Variants in CLPTM1 observed in about 807,000 individuals in gnomAD.
CLPTM1 encodes putative lipid scramblase CLPTM1.
In CLPTM1, 21 loss-of-function variants were observed where a neutral mutation model predicts 77.3. The ratio of observed to expected loss-of-function variants is 0.27; its 90% CI spans 0.19 to 0.39. The LOEUF (loss-of-function observed/expected upper bound fraction) is 0.39. Among genes scored for constraint, CLPTM1 ranks in the 10% least tolerant of loss-of-function variants. The pLI is 1.00. For synonymous variants in CLPTM1, 373 were observed against 381.0 expected (o/e 0.98, Z 0.24); for missense variants, 642 against 921.2 (o/e 0.70, Z 3.92).
intron 5 of CLPTM1, among the ~76,000 whole-genome samples, chr19:44,979,794 G>T (rs938336723): frequency 6.6e-6 from 1 of 152,102 alleles, no homozygotes; most frequent in Non-Finnish European, 1.5e-5. Flanking sequence ...GCTTGAGGGG[G>T]TGTGACCTAC....
intron 2 of CLPTM1, among the ~76,000 whole-genome samples, chr19:44,964,097 G>A (rs947865375): frequency 6.6e-6 from 1 of 151,040 alleles, no homozygotes; most frequent in South Asian, 2.1e-4. Flanking sequence ...GCAGTGAGCC[G>A]AGATCACACC....
In CLPTM1 at chr19:44,991,500, AG is replaced by A. The variant is rs1971075420; in HGVS notation, c.1555+129del. The A allele has an allele frequency of 8.5e-7, 1 of 1,176,064 alleles. No homozygotes were observed. The highest frequency in any genetic ancestry group is 1.2e-6 in the Non-Finnish European group (1 of 835,864). 72.9% of individuals were successfully genotyped at this position (1,176,064 alleles called of 1,614,324 possible). On this transcript the variant is annotated intron_variant, in intron 12 of 13. Transcript: ENST00000337392. The surrounding 1 kb of genome is among the most constrained non-coding windows in gnomAD (Gnocchi z 5.4). The stretch of plus-strand genomic sequence containing the variant: ...GGGTGGGCAGAGCTGGGATATAGGG[AG>A]GCCCGAGGGCACACATGGCCCCATC...
At chr19:44,989,869 G>A in intron 9 of CLPTM1, 1 of 154,176 alleles carries the variant, frequency 6.5e-6, no homozygotes, top group Non-Finnish European at 1.4e-5. Context: ...GGAGCCCAGG[G>A]CCCTTTTCAG....
At chr19:44,988,512 C>T (rs1015058345) in intron 9 of CLPTM1, among the ~76,000 whole-genome samples, 1 of 152,190 alleles carries the variant, frequency 6.6e-6, no homozygotes, top group Non-Finnish European at 1.5e-5. Context: ...CTGCCTGCTG[C>T]GGGAGGCCGC....
At chr19:44,975,573 G>GT (rs977413166) in intron 4 of CLPTM1, among the ~76,000 whole-genome samples, 59 of 148,984 alleles carry the variant, frequency 4.0e-4, no homozygotes, top group Admixed American at 6.7e-4. Flanking sequence ...TTTGTTTTTT[G>GT]TTTTTTTTTG....
At position 44,992,897 on chromosome 19, in the gene CLPTM1, G is replaced by A. The variant is rs1418729013; in HGVS notation, c.2010G>A (p.Ter670=). 2 of 1,612,888 alleles carry A rather than the reference G, an allele frequency of 1.2e-6. No homozygotes were observed. The highest frequency in any genetic ancestry group is 2.2e-5 in the East Asian group (1 of 44,854). ...CAGCAGAGGACAAGAAAAAGGATTA[G>A]TCGAGACTGGTCCTCACCTGCTCCG... ...PKPAEDKKKD[*] is the part of the protein sequence containing the mutation. The change falls in exon 14 of 14, where the codon TAG becomes TAA. Residue 670 remains the stop codon, a stop_retained_variant. Coordinates refer to ENST00000337392, the MANE Select transcript of CLPTM1 (RefSeq NM_001294.4). The surrounding 1 kb of genome is among the most constrained non-coding windows in gnomAD (Gnocchi z 7.7).
chr19:44,970,320 G>A (rs1376657020), intron 2 of CLPTM1, among the ~76,000 whole-genome samples: 1 of 146,900 alleles, frequency 6.8e-6, no homozygotes, highest in African/African-American at 2.7e-5. Context: ...CAGGGGTGGA[G>A]GCTTGCACCT....
At chr19:44,973,040 G>A in intron 2 of CLPTM1, 47 bp from the exon 3 acceptor site, 1 of 1,602,838 alleles carries the variant, frequency 6.2e-7, no homozygotes, top group Non-Finnish European at 8.5e-7. Context: ...GTCTATGGCG[G>A]AGAGCCAAGG....
At chr19:44,986,987 G>T in intron 7 of CLPTM1, 192 bp from the exon 8 acceptor site, 1 of 691,858 alleles carries the variant, frequency 1.4e-6, no homozygotes, top group Non-Finnish European at 2.4e-6. Flanking sequence ...GTGGGGACCT[G>T]CCTGCCCTTT....
intron 5 of CLPTM1, among the ~76,000 whole-genome samples, chr19:44,982,965 G>A (rs1970921661): frequency 6.6e-6 from 1 of 152,060 alleles, no homozygotes; most frequent in African/African-American, 2.4e-5. Context: ...GGAGGCTGAG[G>A]CAGGAGAATT....
In CLPTM1 at chr19:44,962,011, C is replaced by G; in HGVS notation, c.121C>G (p.Pro41Ala). Residue 41 changes from proline to alanine, a missense_variant, in exon 2 of 14, where the codon CCT (proline) becomes GCT (alanine). By Grantham distance (27) the Pro-to-Ala change is conservative. Transcript: ENST00000337392. ...GAGGGACCCGCCAGCGGAGACCCAG[C>G]CTCAGAACCCACCGGCCCAGCCGGC... is the stretch of plus-strand genomic sequence containing the variant. ...IGRDPPAETQ[P>A]QNPPAQPAPN... is the part of the protein sequence containing the mutation. 3 of 1,611,256 alleles carry G rather than the reference C, an allele frequency of 1.9e-6. No homozygotes were observed. Among genetic ancestry groups the G allele is most frequent in the Non-Finnish European group, 2.5e-6 (3 of 1,179,166 alleles).
Position 44,992,446 on chromosome 19 carries a change from T to C in CLPTM1, c.1723+46T>C. The C allele has an allele frequency of 6.2e-7, 1 of 1,611,098 alleles. No homozygotes were observed. Among genetic ancestry groups the C allele is most frequent in the South Asian group, 1.1e-5 (1 of 90,952 alleles). On this transcript the variant is annotated intron_variant, in intron 13 of 13. Coordinates refer to ENST00000337392, the MANE Select transcript of CLPTM1 (RefSeq NM_001294.4). The surrounding 1 kb of genome is among the most constrained non-coding windows in gnomAD (Gnocchi z 7.7). ...GGGAGCTCCCACCGGAACAGGGCCC[T>C]GAGGCAGTCTTTAGGGCCCAGGCCT...
chr19:44,974,480 C>T lies in CLPTM1; in HGVS notation c.351C>T (p.Asp117=), dbSNP rs1262814665. The T allele has an allele frequency of 6.2e-7, 1 of 1,614,070 alleles. No individual in the cohort carries two copies. The highest frequency in any genetic ancestry group is 1.3e-5 in the African/African-American group (1 of 74,934). The change falls in exon 4 of 14, where the codon GAC becomes GAT. Residue 117 remains aspartate (D), a synonymous_variant. Transcript: ENST00000337392. ...TCTCAGAGCACGAGCACTTTACAGA[C>T]TTCAACGCCACGTCGGCACTCTTCT... ...VYISEHEHFT[D]FNATSALFWE...
In CLPTM1 at chr19:44,967,003, G is replaced by A. The variant is rs928264313; in HGVS notation, c.185+4928G>A. On this transcript the variant is annotated intron_variant, in intron 2 of 13. Transcript: ENST00000337392. ...ACTACAGGCGCCCGCCACAGCGCCC[G>A]GCTAATTTTTTGTATTTTTAGTAGA... is the stretch of plus-strand genomic sequence containing the variant. Among the ~76,000 whole-genome samples, 5 of 152,044 alleles carry A rather than the reference G, an allele frequency of 3.3e-5. 1 individual carries two copies. Among genetic ancestry groups the A allele is most frequent in the Non-Finnish European group, 7.4e-5 (5 of 68,004 alleles).
At chr19:44,973,038 C>G (rs73558177) in intron 2 of CLPTM1, 49 bp from the exon 3 acceptor site, 1 of 1,601,582 alleles carries the variant, frequency 6.2e-7, no homozygotes, top group Non-Finnish European at 8.5e-7. Context: ...GGGTCTATGG[C>G]GGAGAGCCAA....
intron 5 of CLPTM1, among the ~76,000 whole-genome samples, chr19:44,979,607 A>G (rs1353155030): frequency 1.3e-5 from 2 of 152,108 alleles, no homozygotes; most frequent in Non-Finnish European, 2.9e-5. Flanking sequence ...TTTATCACCT[A>G]TACTGGATGA....
rs774095864 is a variant in CLPTM1 at position 44,977,424 on chromosome 19, C to G, written c.550C>G (p.Leu184Val). 2 of 1,609,198 alleles carry G rather than the reference C, an allele frequency of 1.2e-6. No homozygotes were observed. The highest frequency in any genetic ancestry group is 3.3e-5 in the Admixed American group (2 of 60,006). Residue 184 changes from leucine (L) to valine (V), a missense_variant, in exon 5 of 14, where the codon CTG becomes GTG. By Grantham distance (32) the Leu-to-Val change is conservative. Around this residue, in one of 2 missense-constraint regions of CLPTM1, gnomAD observed 521 missense variants for 800.4 expected, o/e 0.65. Transcript: ENST00000337392. Reference protein sequence around the residue: ...GFHPDPRQKALYRRLATVHMS... With the variant: ...GFHPDPRQKAVYRRLATVHMS... ...CCACCCAGACCCCCGGCAGAAGGCC[C>G]TGTACCGCCGGCTTGCCACAGTCCA...
chr19:44,964,298 C>CTTTT lies in CLPTM1; in HGVS notation c.185+2250_185+2253dup, dbSNP rs35539206. 9.5e-4 allele frequency among the ~76,000 whole-genome samples: 65 copies of CTTTT among 68,154 alleles called. 4 individuals carry two copies. The highest frequency in any genetic ancestry group is 2.3e-3 in the African/African-American group (37 of 16,032). The allele number at this position is 68,154 out of a possible 152,430, so 44.7% of individuals were successfully genotyped here. A position where few individuals can be genotyped will look rare whatever the true frequency, so the allele number is the denominator to read the frequency against. On this transcript the variant is annotated intron_variant, in intron 2 of 13. Coordinates refer to ENST00000337392, the MANE Select transcript of CLPTM1 (RefSeq NM_001294.4). Reference sequence around the variant, plus strand: ...TTTTAACCTATGTTTTCATTTTAACCTTTTTTTTTTTTTTTTTTTTTTTTT... The same window carrying CTTTT: ...TTTTAACCTATGTTTTCATTTTAACCTTTTTTTTTTTTTTTTTTTTTTTTTTTTT...
chr19:44,980,870 C>CT (rs574118239), intron 5 of CLPTM1, among the ~76,000 whole-genome samples: 145 of 151,742 alleles, frequency 9.6e-4, no homozygotes, highest in African/African-American at 3.4e-3. Flanking sequence ...TGAAGTCTTG[C>CT]TCTGTTGCCC....
Sources: allele counts gnomAD v4.1 joint callset (sites outside exome capture counted in the v4.1 genomes callset), GRCh38; gene constraint gnomAD v4.1.1; regional missense constraint gnomAD v4.1.1; non-coding constraint Gnocchi (gnomAD v3.1); transcripts MANE v1.5; gene names NCBI Gene and HGNC (gene_info 2026-07-23, HGNC 2026-07-21).